The following SYNPO2L variants were observed in gnomAD, a reference collection of about 807,000 sequenced individuals.
SYNPO2L encodes the protein synaptopodin 2 like.
SYNPO2L carries 34 observed loss-of-function variants against 47.5 expected under a neutral mutation model. The ratio of observed to expected loss-of-function variants is 0.72; its 90% CI spans 0.54 to 0.95. The LOEUF (loss-of-function observed/expected upper bound fraction) is 0.95, where lower values mean the gene tolerates loss of function less well. Among genes scored for constraint, SYNPO2L ranks in the 40% least tolerant of loss-of-function variants. The pLI, the probability that SYNPO2L is intolerant of heterozygous loss-of-function variation, is 0.00. For missense variants in SYNPO2L, 1,246 were observed against 1,282.0 expected (o/e 0.97, Z 0.43); for synonymous variants, 536 against 524.9 (o/e 1.02, Z -0.29).
intron 3 of SYNPO2L, chr10:73,650,236 A>G (rs2081830299): frequency 2.0e-6 from 2 of 984,914 alleles, no homozygotes; most frequent in Admixed American, 6.2e-5. Context: ...CTCCTTTGTA[A>G]TGAGCTTTGT....
In SYNPO2L at chr10:73,646,463, A is replaced by G. The variant is rs2081750072; in HGVS notation, c.*255T>C. On this transcript the variant is annotated 3_prime_UTR_variant, in exon 4 of 4. Transcript: ENST00000394810. ...AATATGGGTGGAGAAGCCTGGAAAT[A>G]AAGACAGAGATCCAGGAAAGGAAAT... The G allele has an allele frequency of 1.7e-6, 2 of 1,196,874 alleles. No individual in the cohort carries two copies. The highest frequency in any genetic ancestry group is 1.0e-6 in the Non-Finnish European group (1 of 966,324). 74.1% of individuals were successfully genotyped at this position (1,196,874 alleles called of 1,614,324 possible).
rs1473526986 is a variant in SYNPO2L, at chr10:73,645,450, TCTC to T, written c.*1265_*1267del. The T allele has an allele frequency of 2.0e-6, 2 of 994,514 alleles. No homozygotes were observed. The highest frequency in any genetic ancestry group is 3.5e-5 in the African/African-American group (2 of 57,352). The allele number at this position is 994,514 out of a possible 1,614,324, so 61.6% of individuals were successfully genotyped here. A position where few individuals can be genotyped will look rare whatever the true frequency, so the allele number is the denominator to read the frequency against. On this transcript the variant is annotated 3_prime_UTR_variant, in exon 4 of 4. Coordinates refer to ENST00000394810, the MANE Select transcript of SYNPO2L (RefSeq NM_001114133.3). The stretch of plus-strand genomic sequence containing the variant: ...CTCACTTGCCACACTCTGGCTCTCT[TCTC>T]CTTTCTCTCAAGCTCATGAGGCAAT...
chr10:73,652,349 C>A (rs2081848252), intron 3 of SYNPO2L, among the ~76,000 whole-genome samples: 1 of 151,928 alleles, frequency 6.6e-6, no homozygotes, highest in African/African-American at 2.4e-5. Flanking sequence ...GACGAAGTCT[C>A]ACGATGTTGT....
At chr10:73,649,197 C>T (rs1373449954) in intron 3 of SYNPO2L, among the ~76,000 whole-genome samples, 2 of 152,164 alleles carry the variant, frequency 1.3e-5, no homozygotes, top group Admixed American at 6.5e-5. Flanking sequence ...CATTCCTCAC[C>T]TGCCTCCCAT....
At chr10:73,654,453 T>A (rs369656895) in intron 1 of SYNPO2L, 173 bp from the exon 2 acceptor site, 2 of 705,756 alleles carry the variant, frequency 2.8e-6, no homozygotes, top group East Asian at 2.7e-5. Flanking sequence ...GAAGAAAGTA[T>A]ACAGACTGGA....
intron 3 of SYNPO2L, chr10:73,649,664 C>G (rs1003989254): frequency 2.1e-6 from 2 of 946,542 alleles, no homozygotes; most frequent in Non-Finnish European, 2.5e-6. Flanking sequence ...CAAATACATT[C>G]ACACACCTAC....
Position 73,647,452 on chromosome 10 carries a change from G to A in SYNPO2L, c.2200C>T (p.Leu734Phe). Residue 734 changes from leucine to phenylalanine, a missense_variant, in exon 4 of 4, where the codon CTC (leucine) becomes TTC (phenylalanine). Transcript: ENST00000394810. ...PVAPKPPSRG[L>F]LDGLVNGAAS... is the part of the protein sequence containing the mutation. ...GCCCCATTCACGAGCCCATCAAGGA[G>A]CCCTCGAGATGGGGGCTTAGGAGCC... 6.2e-7 allele frequency: 1 copy of A among 1,604,700 alleles called. No individual in the cohort carries two copies. The highest frequency in any genetic ancestry group is 8.5e-7 in the Non-Finnish European group (1 of 1,173,450).
chr10:73,646,540 G>C lies in SYNPO2L; in HGVS notation c.*178C>G, dbSNP rs1414561328. 9.5e-6 allele frequency: 12 copies of C among 1,257,212 alleles called. No individual in the cohort carries two copies. Among genetic ancestry groups the C allele is most frequent in the African/African-American group, 1.5e-5 (1 of 65,146 alleles). The allele number at this position is 1,257,212 out of a possible 1,614,324, so 77.9% of individuals were successfully genotyped here. On this transcript the variant is annotated 3_prime_UTR_variant, in exon 4 of 4. Transcript: ENST00000394810. ...CAAAGCAGACATACTTGGTTGGAAA[G>C]CGGCAGGGAGGTAGAGAGTGAGGAG...
In SYNPO2L at chr10:73,647,585, T is replaced by C. The variant is rs1205198518; in HGVS notation, c.2067A>G (p.Pro689=). The change falls in exon 4 of 4, where the codon CCA becomes CCG. Residue 689 remains proline (P), a synonymous_variant. Transcript: ENST00000394810. ...GGGTCTTGTAACTCCTGGCCCCTACTGGCTGCATGAAGTTGCAGGCTTCAG... is the reference window on the plus strand; with the variant it reads ...GGGTCTTGTAACTCCTGGCCCCTACCGGCTGCATGAAGTTGCAGGCTTCAG... ...LGAEACNFMQ[P]VGARSYKTLP... is the part of the protein sequence containing the mutation. The C allele has an allele frequency of 3.1e-6, 5 of 1,613,436 alleles. No homozygotes were observed. The African/African-American group carries it at 4.0e-5, about 13-fold the overall frequency.
In SYNPO2L at chr10:73,645,863, C is replaced by T. The variant is rs1043933187; in HGVS notation, c.*855G>A. ...GTTTTGAGACAGAGTCTCGCTCCGTCGCCCAGGCTGGAGTGCAGTGGCGCA... is the reference window on the plus strand; with the variant it reads ...GTTTTGAGACAGAGTCTCGCTCCGTTGCCCAGGCTGGAGTGCAGTGGCGCA... On this transcript the variant is annotated 3_prime_UTR_variant, in exon 4 of 4. Transcript: ENST00000394810. The T allele has an allele frequency of 5.3e-5, 52 of 985,308 alleles. No homozygotes were observed. The highest frequency in any genetic ancestry group is 5.7e-5 in the Non-Finnish European group (47 of 829,592). The allele number at this position is 985,308 out of a possible 1,614,324, so 61.0% of individuals were successfully genotyped here.
At chr10:73,649,575 A>G (rs990755952) in intron 3 of SYNPO2L, among the ~76,000 whole-genome samples, 7 of 152,144 alleles carry the variant, frequency 4.6e-5, no homozygotes, top group Admixed American at 3.9e-4. Context: ...TCTCATTCAC[A>G]TATACCCCAG....
chr10:73,654,245 G>A lies in SYNPO2L; in HGVS notation c.141C>T (p.Leu47=). Residue 47 remains leucine (L), a synonymous_variant, in exon 2 of 4, where the codon CTC becomes CTT. Coordinates refer to ENST00000394810, the MANE Select transcript of SYNPO2L (RefSeq NM_001114133.3). ...RRRSQAGRAG[L]RERDQLLAIN... ...TTGCCAAGAGCTGGTCCCTCTCTCG[G>A]AGTCCTGCTCTGCCAGCCTGGCTCC... 2 of 1,551,662 alleles carry A rather than the reference G, an allele frequency of 1.3e-6. No individual in the cohort carries two copies. The highest frequency in any genetic ancestry group is 1.7e-6 in the Non-Finnish European group (2 of 1,146,988).
Position 73,645,740 on chromosome 10 carries a change from A to G in SYNPO2L, c.*978T>C, listed in dbSNP as rs2081739746. On this transcript the variant is annotated 3_prime_UTR_variant, in exon 4 of 4. Transcript: ENST00000394810. ...ATTGGTCTCTAAGGAGTTATTCTCTAGTGAATCTCTTTCTCCCACTCAACT... is the reference window on the plus strand; with the variant it reads ...ATTGGTCTCTAAGGAGTTATTCTCTGGTGAATCTCTTTCTCCCACTCAACT... 1 of 985,760 alleles carries G rather than the reference A, an allele frequency of 1.0e-6. No homozygotes were observed. The highest frequency in any genetic ancestry group is 1.2e-6 in the Non-Finnish European group (1 of 829,990). The allele number at this position is 985,760 out of a possible 1,614,324, so 61.1% of individuals were successfully genotyped here. A position where few individuals can be genotyped will look rare whatever the true frequency, so the allele number is the denominator to read the frequency against.
intron 3 of SYNPO2L, among the ~76,000 whole-genome samples, chr10:73,651,732 C>A (rs1433952399): frequency 1.3e-5 from 2 of 152,112 alleles, no homozygotes; most frequent in Non-Finnish European, 2.9e-5. Context: ...GCCTCTCAGT[C>A]CCCAGGAATC....
chr10:73,648,464 C>T lies in SYNPO2L; in HGVS notation c.1188G>A (p.Gln396=). Reference sequence around the variant, plus strand: ...GTTCCTGGGTGCTGGAGTCTGCGCGCTGGCGCTGCTGTTCAAAGAGCTGCA... The same window carrying T: ...GTTCCTGGGTGCTGGAGTCTGCGCGTTGGCGCTGCTGTTCAAAGAGCTGCA... ...RGVQLFEQQR[Q]RADSSTQELA... The change falls in exon 4 of 4, where the codon CAG becomes CAA. Residue 396 remains glutamine (Q), a synonymous_variant. Coordinates refer to ENST00000394810, the MANE Select transcript of SYNPO2L (RefSeq NM_001114133.3). 6.2e-7 allele frequency: 1 copy of T among 1,611,804 alleles called. No individual in the cohort carries two copies. Among genetic ancestry groups the T allele is most frequent in the Non-Finnish European group, 8.5e-7 (1 of 1,179,866 alleles).
In SYNPO2L at chr10:73,646,229, T is replaced by C; in HGVS notation, c.*489A>G. The C allele has an allele frequency of 1.0e-6, 1 of 990,602 alleles. No homozygotes were observed. The highest frequency in any genetic ancestry group is 1.2e-6 in the Non-Finnish European group (1 of 834,766). 61.4% of individuals were successfully genotyped at this position (990,602 alleles called of 1,614,324 possible). A position where few individuals can be genotyped will look rare whatever the true frequency, so the allele number is the denominator to read the frequency against. On this transcript the variant is annotated 3_prime_UTR_variant, in exon 4 of 4. Transcript: ENST00000394810. ...ACACACACACACACAGGCCTAGGTA[T>C]ATGCCAGTCAAGCTTGGGAAAGCAG...
Position 73,648,539 on chromosome 10 carries a change from GC to G in SYNPO2L, c.1112del (p.Gly371AlafsTer10), listed in dbSNP as rs757923329. On this transcript the variant is annotated frameshift_variant, in exon 4 of 4. Coordinates refer to ENST00000394810, the MANE Select transcript of SYNPO2L (RefSeq NM_001114133.3). LOFTEE classifies it low-confidence loss of function (END_TRUNC). ...GCTGCCCTCCCAGCCCAGAGCCCTG[GC>G]CCTCTGATGCTCTTGAGCCCGCCCT... ...LARAGSRASE[G>X]QGSGLGGQLS... The G allele has an allele frequency of 3.4e-5, 55 of 1,614,006 alleles. No homozygotes were observed. The highest frequency in any genetic ancestry group is 4.2e-5 in the Non-Finnish European group (50 of 1,180,010).
rs2081805064 is a variant in SYNPO2L, at chr10:73,648,566, G to A, written c.1086C>T (p.Ala362=). ...CCTCTGATGCTCTTGAGCCCGCCCT[G>A]GCAAGCTCCATGTCCAGATAGGGAC... The part of the protein sequence containing the change: ...WDSPYLDMEL[A]RAGSRASEGQ... Residue 362 remains alanine (A), a synonymous_variant, in exon 4 of 4, where the codon GCC becomes GCT. Transcript: ENST00000394810. 6.2e-7 allele frequency: 1 copy of A among 1,614,172 alleles called. No homozygotes were observed.
chr10:73,652,774 C>A (rs1391401562), intron 3 of SYNPO2L, among the ~76,000 whole-genome samples: 4 of 152,172 alleles, frequency 2.6e-5, no homozygotes, highest in African/African-American at 9.7e-5. Context: ...CCTTGCCCCG[C>A]CTTCAACCTG....
Sources: allele counts gnomAD v4.1 joint callset (sites outside exome capture counted in the v4.1 genomes callset), GRCh38; gene constraint gnomAD v4.1.1; transcripts MANE v1.5; gene names NCBI Gene and HGNC (gene_info 2026-07-23, HGNC 2026-07-21).